Variants in SLIT3 observed in about 807,000 individuals in gnomAD.
The protein encoded by SLIT3 is slit guidance ligand 3, also known as slit homolog 3 protein.
In SLIT3, 68 loss-of-function variants were observed where a neutral mutation model predicts 184.0. The observed-to-expected ratio is 0.37, with a 90% CI of 0.30 to 0.45. SLIT3 has a LOEUF of 0.45. Among genes scored for constraint, SLIT3 ranks in the 20% least tolerant of loss-of-function variants. The pLI, the probability that SLIT3 is intolerant of heterozygous loss-of-function variation, is 1.00. For synonymous variants in SLIT3, 831 were observed against 828.6 expected (o/e 1.00, Z -0.05); for missense variants, 1,707 against 2,026.0 (o/e 0.84, Z 3.02).
chr5:168,876,217 T>C (rs1272525267), intron 5 of SLIT3, among the ~76,000 whole-genome samples: 1 of 152,174 alleles, frequency 6.6e-6, no homozygotes, highest in Non-Finnish European at 1.5e-5. Flanking sequence ...CCACTTTACT[T>C]GCTCGATTTA....
intron 12 of SLIT3, among the ~76,000 whole-genome samples, chr5:168,784,012 C>A (rs1756065429): frequency 6.6e-6 from 1 of 152,160 alleles, no homozygotes; most frequent in East Asian, 1.9e-4. Context: ...AGATACACAT[C>A]TTTTTAAGTA....
rs1284037584 is a variant in SLIT3, at chr5:168,967,950, G to A, written c.414-84614C>T. Among the ~76,000 whole-genome samples, 11 of 152,246 alleles carry A rather than the reference G, an allele frequency of 7.2e-5. No individual in the cohort carries two copies. The East Asian group carries it at 9.7e-4, about 13-fold the overall frequency. On this transcript the variant is annotated intron_variant, in intron 4 of 35. Transcript: ENST00000519560. ...TCTCGTACCTCCTGCTAGCACTTTC[G>A]TGCCTGCACCAGATTCTCTTCCCAA...
intron 14 of SLIT3, chr5:168,768,061 AG>A: frequency 2.6e-6 from 1 of 377,904 alleles, no homozygotes; most frequent in South Asian, 1.9e-5. Context: ...AGACTGGGAG[AG>A]GTGGGTCTGG....
At chr5:169,108,355 G>A (rs1760293513) in intron 4 of SLIT3, among the ~76,000 whole-genome samples, 1 of 152,208 alleles carries the variant, frequency 6.6e-6, no homozygotes, top group Admixed American at 6.5e-5. Flanking sequence ...TATAGACAGA[G>A]CTGGCACAGC....
intron 5 of SLIT3, among the ~76,000 whole-genome samples, chr5:168,864,033 A>G (rs1386393974): frequency 1.2e-4 from 17 of 146,504 alleles, no homozygotes; most frequent in Non-Finnish European, 2.3e-4. Flanking sequence ...CCATCTCTAT[A>G]AAAAAATACA....
intron 4 of SLIT3, among the ~76,000 whole-genome samples, chr5:168,979,567 A>G (rs1754881513): frequency 6.6e-6 from 1 of 152,212 alleles, no homozygotes; most frequent in Admixed American, 6.5e-5. Context: ...GTTCTCTCCA[A>G]GAATGAGTTT....
At chr5:169,093,348 A>G (rs1759658968) in intron 4 of SLIT3, among the ~76,000 whole-genome samples, 1 of 152,190 alleles carries the variant, frequency 6.6e-6, no homozygotes, top group African/African-American at 2.4e-5. Flanking sequence ...AAAATTCTGG[A>G]ACTGATTATA....
intron 20 of SLIT3, among the ~76,000 whole-genome samples, chr5:168,748,067 ACTC>A (rs1261184162): frequency 6.6e-6 from 1 of 150,890 alleles, no homozygotes; most frequent in Non-Finnish European, 1.5e-5. Context: ...AGGGTCAGAG[ACTC>A]CTCCTCTGCC....
chr5:169,085,772 G>A (rs1752133334), intron 4 of SLIT3, among the ~76,000 whole-genome samples: 1 of 152,182 alleles, frequency 6.6e-6, no homozygotes, highest in Non-Finnish European at 1.5e-5. Context: ...AGTAATGAAA[G>A]GTCCATGAGT....
intron 33 of SLIT3, 27 bp downstream of exon 33, chr5:168,673,150 A>T: frequency 1.2e-6 from 2 of 1,610,448 alleles, no homozygotes; most frequent in South Asian, 2.2e-5. Context: ...AGAGGGAGGT[A>T]GAGGTGGTAG....
At chr5:168,763,089 G>T (rs2113509052) in intron 14 of SLIT3, among the ~76,000 whole-genome samples, 1 of 152,192 alleles carries the variant, frequency 6.6e-6, no homozygotes, top group South Asian at 2.1e-4. Flanking sequence ...ATCATTCATG[G>T]ACCCTCTAAA....
At chr5:168,961,720 T>A (rs2113284937) in intron 4 of SLIT3, among the ~76,000 whole-genome samples, 1 of 152,278 alleles carries the variant, frequency 6.6e-6, no homozygotes, top group Middle Eastern at 3.4e-3. Context: ...AAGCTCTGTG[T>A]GGTTGCAGAA....
chr5:168,687,791 C>T (rs915115160), intron 29 of SLIT3, among the ~76,000 whole-genome samples: 5 of 152,140 alleles, frequency 3.3e-5, no homozygotes, highest in South Asian at 2.1e-4. Flanking sequence ...AAGAGGAATA[C>T]GATACTGTTT....
At chr5:168,686,742 G>C (rs1561874301) in intron 30 of SLIT3, among the ~76,000 whole-genome samples, 1 of 152,236 alleles carries the variant, frequency 6.6e-6, no homozygotes, top group Non-Finnish European at 1.5e-5. Flanking sequence ...CTTTCACGTG[G>C]AGTTGCCACA....
chr5:168,989,222 T>C (rs1448189738), intron 4 of SLIT3, among the ~76,000 whole-genome samples: 1 of 152,234 alleles, frequency 6.6e-6, no homozygotes, highest in Non-Finnish European at 1.5e-5. Context: ...TCTTTTGTTT[T>C]GTTTTCGGTT....
At chr5:168,703,193 T>A (rs1762267929) in intron 26 of SLIT3, among the ~76,000 whole-genome samples, 1 of 151,668 alleles carries the variant, frequency 6.6e-6, no homozygotes, top group African/African-American at 2.4e-5. Context: ...TGCTCCTTGG[T>A]CCTCCACCAC....
At chr5:169,261,718 A>G (rs1766184009) in intron 1 of SLIT3, among the ~76,000 whole-genome samples, 1 of 152,202 alleles carries the variant, frequency 6.6e-6, no homozygotes, top group Admixed American at 6.5e-5. Context: ...ACAGATTCTA[A>G]GGTGGTCCCC....
At chr5:169,031,221 C>T (rs1432049697) in intron 4 of SLIT3, among the ~76,000 whole-genome samples, 1 of 152,146 alleles carries the variant, frequency 6.6e-6, no homozygotes. Flanking sequence ...TGCACTTTGT[C>T]CTCAGAGTAG....
At chr5:168,818,937 T>G (rs1330878196) in intron 7 of SLIT3, among the ~76,000 whole-genome samples, 2 of 152,258 alleles carry the variant, frequency 1.3e-5, no homozygotes, top group Non-Finnish European at 2.9e-5. Flanking sequence ...CCATATAAAA[T>G]GTAATTTTTT....
Sources: gnomAD v4.1 joint callset for allele counts (sites outside exome capture counted in the v4.1 genomes callset) on GRCh38, gnomAD v4.1.1 for gene constraint, MANE v1.5 for transcripts, NCBI Gene and HGNC (gene_info 2026-07-23, HGNC 2026-07-21) for gene names.